Variants in KCNMB2 observed in about 807,000 individuals in gnomAD.
KCNMB2 encodes the protein calcium-activated potassium channel subunit beta-2.
In KCNMB2, 9 loss-of-function variants were observed where a neutral mutation model predicts 24.5. That is an observed-to-expected ratio of 0.37 (90% confidence interval 0.22 to 0.64). The LOEUF (loss-of-function observed/expected upper bound fraction) is 0.64, where lower values mean the gene tolerates loss of function less well. Ranked by LOEUF, KCNMB2 falls within the 30% of genes least tolerant of loss-of-function variation. The probability of loss-of-function intolerance (pLI) is 0.63; values close to 1 mark genes in which losing one functional copy is unlikely to be tolerated. For synonymous variants in KCNMB2, 109 were observed against 104.4 expected, an observed-to-expected ratio of 1.04 and a Z score of -0.27; for missense variants, 226 against 284.3, an observed-to-expected ratio of 0.79 and a Z score of 1.47.
At chr3:178,657,162 G>C (rs943312271) in intron 1 of KCNMB2, among the ~76,000 whole-genome samples, 1 of 152,174 alleles carries the variant, frequency 6.6e-6, no homozygotes, top group Non-Finnish European at 1.5e-5. Flanking sequence ...ACCTCAATCT[G>C]ACTCCAGAAC....
At chr3:178,616,243 C>T (rs6786279) in intron 1 of KCNMB2, among the ~76,000 whole-genome samples, 64,541 of 152,110 alleles carry the variant, frequency 0.42, 16,219 homozygotes, top group African/African-American at 0.71. Context: ...TTAGGACTCA[C>T]GTAAGAGTTG....
chr3:178,780,888 T>C (rs903433108), intron 1 of KCNMB2, among the ~76,000 whole-genome samples: 6 of 152,224 alleles, frequency 3.9e-5, no homozygotes, highest in African/African-American at 7.2e-5. Flanking sequence ...ATTTTATTAT[T>C]GCTAAAATTT....
At chr3:178,585,384 A>C (rs1488766088) in intron 1 of KCNMB2, among the ~76,000 whole-genome samples, 3 of 152,190 alleles carry the variant, frequency 2.0e-5, no homozygotes, top group African/African-American at 4.8e-5. Context: ...CCAAGTTATT[A>C]TATTAACCAT....
chr3:178,839,532 A>G (rs1414035087), intron 4 of KCNMB2, among the ~76,000 whole-genome samples: 1 of 152,130 alleles, frequency 6.6e-6, no homozygotes, highest in East Asian at 1.9e-4. Flanking sequence ...AGAAAGAACA[A>G]CTGAGACTGG....
At chr3:178,766,392 C>T (rs191456571) in intron 1 of KCNMB2, among the ~76,000 whole-genome samples, 44 of 152,216 alleles carry the variant, frequency 2.9e-4, no homozygotes, top group African/African-American at 1.1e-3. Context: ...TGGGGTCTCA[C>T]TGTGTTGCCC....
chr3:178,566,351 C>T (rs1481002896), intron 1 of KCNMB2, among the ~76,000 whole-genome samples: 1 of 152,150 alleles, frequency 6.6e-6, no homozygotes, highest in Non-Finnish European at 1.5e-5. Context: ...AATTGAATCA[C>T]ATCTGTAAAG....
intron 2 of KCNMB2, among the ~76,000 whole-genome samples, chr3:178,817,617 A>C (rs1326034616): frequency 6.6e-6 from 1 of 152,122 alleles, no homozygotes; most frequent in Non-Finnish European, 1.5e-5. Flanking sequence ...ATAAGATCTA[A>C]CAGAAGGGCA....
chr3:178,564,330 A>G (rs145351254), intron 1 of KCNMB2, among the ~76,000 whole-genome samples: 2 of 152,284 alleles, frequency 1.3e-5, no homozygotes, highest in East Asian at 1.9e-4. Flanking sequence ...ATGTCACAGA[A>G]GGACAATGAT....
At chr3:178,568,814 GA>G (rs1716639890) in intron 1 of KCNMB2, among the ~76,000 whole-genome samples, 1 of 48,350 alleles carries the variant, frequency 2.1e-5, no homozygotes, top group Non-Finnish European at 4.3e-5. Context: ...TAGATAGATA[GA>G]TAATAGATAG....
intron 1 of KCNMB2, among the ~76,000 whole-genome samples, chr3:178,636,544 G>T (rs949104288): frequency 1.3e-5 from 2 of 152,174 alleles, no homozygotes; most frequent in Admixed American, 1.3e-4. Flanking sequence ...ATATCACTGT[G>T]CATTGGGGAC....
intron 1 of KCNMB2, among the ~76,000 whole-genome samples, chr3:178,615,582 A>T (rs1042513151): frequency 6.6e-6 from 1 of 152,212 alleles, no homozygotes; most frequent in Non-Finnish European, 1.5e-5. Context: ...GAACTGCCAG[A>T]CTACCAGCCA....
At chr3:178,696,053 G>C (rs1721862879) in intron 1 of KCNMB2, among the ~76,000 whole-genome samples, 1 of 152,190 alleles carries the variant, frequency 6.6e-6, no homozygotes, top group African/African-American at 2.4e-5. Flanking sequence ...TGGCTGGGAG[G>C]CCTCAGGAAA....
intron 1 of KCNMB2, among the ~76,000 whole-genome samples, chr3:178,592,278 C>A (rs2108500303): frequency 6.6e-6 from 1 of 152,268 alleles, no homozygotes; most frequent in South Asian, 2.1e-4. Context: ...CATAGTTTGA[C>A]TGCGTTATTT....
chr3:178,645,045 ATTTTTTTT>A (rs10576689), intron 1 of KCNMB2, among the ~76,000 whole-genome samples: 2 of 92,456 alleles, frequency 2.2e-5, no homozygotes, highest in South Asian at 3.7e-4. Context: ...AAGATCCAAG[ATTTTTTTT>A]TTTTTTTTTT....
chr3:178,758,788 T>G (rs1353974610), intron 1 of KCNMB2, among the ~76,000 whole-genome samples: 28 of 8,324 alleles, frequency 3.4e-3, no homozygotes, highest in East Asian at 9.5e-3. Context: ...TATATATATA[T>G]ATATATATAT....
At position 178,754,566 on chromosome 3, in the gene KCNMB2, G is replaced by A. The variant is rs991204006; in HGVS notation, c.-67-52777G>A. Among the ~76,000 whole-genome samples, 3 of 152,166 alleles carry A rather than the reference G, an allele frequency of 2.0e-5. No individual in the cohort carries two copies. In the South Asian group the frequency reaches 6.2e-4, roughly 32 times the overall value. ...CTGTTCAGTTGGAGGAATCAGAGGT[G>A]CCCTTTGAATGACCACAGAGGAGGC... On this transcript the variant is annotated intron_variant, in intron 1 of 4. Coordinates refer to ENST00000452583, the MANE Select transcript of KCNMB2 (RefSeq NM_181361.3).
intron 4 of KCNMB2, among the ~76,000 whole-genome samples, chr3:178,839,055 T>C (rs1284853509): frequency 1.3e-5 from 2 of 152,170 alleles, no homozygotes; most frequent in Non-Finnish European, 2.9e-5. Flanking sequence ...ATCAGATAAG[T>C]TAATCATTTG....
In KCNMB2 at chr3:178,780,887, T is replaced by C. The variant is rs566157928; in HGVS notation, c.-67-26456T>C. ...AGTGATTATTTTTGACATTTTATTATTGCTAAAATTTATATACTGACAGAC... is the reference window on the plus strand; with the variant it reads ...AGTGATTATTTTTGACATTTTATTACTGCTAAAATTTATATACTGACAGAC... On this transcript the variant is annotated intron_variant, in intron 1 of 4. Coordinates refer to ENST00000452583, the MANE Select transcript of KCNMB2 (RefSeq NM_181361.3). Among the ~76,000 whole-genome samples, 5 of 152,340 alleles carry C rather than the reference T, an allele frequency of 3.3e-5. No individual in the cohort carries two copies. The East Asian group carries it at 5.8e-4, about 18-fold the overall frequency.
At chr3:178,827,503 C>A (rs764028532) in intron 3 of KCNMB2, among the ~76,000 whole-genome samples, 1 of 152,164 alleles carries the variant, frequency 6.6e-6, no homozygotes, top group African/African-American at 2.4e-5. Context: ...AATTACTACC[C>A]AACTTGCACA....
Sources: allele counts gnomAD v4.1 joint callset (sites outside exome capture counted in the v4.1 genomes callset), GRCh38; gene constraint gnomAD v4.1.1; transcripts MANE v1.5; gene names NCBI Gene and HGNC (gene_info 2026-07-23, HGNC 2026-07-21).